Variants in GTF3C5 observed in about 807,000 individuals in gnomAD.
The protein encoded by GTF3C5 is general transcription factor IIIC subunit 5.
Under a neutral mutation model 61.0 loss-of-function variants are expected in GTF3C5, and 47 were observed. That is an observed-to-expected ratio of 0.77 (90% confidence interval 0.61 to 0.98). The LOEUF (loss-of-function observed/expected upper bound fraction) is 0.98. GTF3C5 is among the 50% of genes least tolerant of loss of function. The probability of loss-of-function intolerance (pLI) is 0.00; values close to 1 mark genes in which losing one functional copy is unlikely to be tolerated. For synonymous variants in GTF3C5, 295 were observed against 275.4 expected, an observed-to-expected ratio of 1.07 and a Z score of -0.71; for missense variants, 659 against 703.3, an observed-to-expected ratio of 0.94 and a Z score of 0.71.
intron 2 of GTF3C5, among the ~76,000 whole-genome samples, chr9:133,042,938 C>T (rs951814644): frequency 1.3e-5 from 2 of 152,198 alleles, no homozygotes; most frequent in Non-Finnish European, 2.9e-5. Flanking sequence ...TCCTTAGGCC[C>T]TCGTGAAGAT....
intron 9 of GTF3C5, 78 bp downstream of exon 9, chr9:133,056,172 ACTTCACGTCGGCCTTCAT>A: frequency 8.4e-7 from 1 of 1,192,374 alleles, no homozygotes; most frequent in Non-Finnish European, 1.2e-6. Context: ...GAACTCTTCC[ACTTCACGTCGGCCTTCAT>A]CTCCGGCAAG....
chr9:133,045,651 T>A (rs1183565387), intron 3 of GTF3C5, among the ~76,000 whole-genome samples: 2 of 152,122 alleles, frequency 1.3e-5, no homozygotes, highest in East Asian at 3.9e-4. Flanking sequence ...TTTTTCTTTT[T>A]GAAAGGCGGA....
At chr9:133,034,954 T>A (rs1204304602) in intron 1 of GTF3C5, among the ~76,000 whole-genome samples, 1 of 152,134 alleles carries the variant, frequency 6.6e-6, no homozygotes, top group Non-Finnish European at 1.5e-5. Flanking sequence ...CACAAGGCAA[T>A]GGGAAGGCAT....
Position 133,031,100 on chromosome 9 carries a change from C to A in GTF3C5, c.89C>A (p.Pro30Gln). 1 of 1,606,678 alleles carries A rather than the reference C, an allele frequency of 6.2e-7. No individual in the cohort carries two copies. The highest frequency in any genetic ancestry group is 2.2e-5 in the East Asian group (1 of 44,580). Residue 30 changes from proline to glutamine, a missense_variant, in exon 1 of 11, where the codon CCG (proline) becomes CAG (glutamine). Pro to Gln is a moderately conservative substitution (Grantham distance 76). Coordinates refer to ENST00000372097, the MANE Select transcript of GTF3C5 (RefSeq NM_012087.4). ...CGACGCATGGTGTGCGTGGAGTACC[C>A]GGGAGTGGTGCGTGATGTGGCTAAG... Reference protein sequence around the residue: ...RERRMVCVEYPGVVRDVAKML... With the variant: ...RERRMVCVEYQGVVRDVAKML...
In GTF3C5 at chr9:133,058,232, G is replaced by C; in HGVS notation, c.*252G>C. On this transcript the variant is annotated 3_prime_UTR_variant, in exon 11 of 11. Coordinates refer to ENST00000372097, the MANE Select transcript of GTF3C5 (RefSeq NM_012087.4). The stretch of plus-strand genomic sequence containing the variant: ...CCCTGGCTCTGCCACCCATGAACCA[G>C]CCCAGCATCCAGCCAGTGAGTGGGC... 13 of 1,167,090 alleles carry C rather than the reference G, an allele frequency of 1.1e-5. No homozygotes were observed. Among genetic ancestry groups the C allele is most frequent in the East Asian group, 8.4e-5 (2 of 23,812 alleles). The allele number at this position is 1,167,090 out of a possible 1,614,324, so 72.3% of individuals were successfully genotyped here.
intron 8 of GTF3C5, chr9:133,055,263 G>A: frequency 6.9e-7 from 1 of 1,457,342 alleles, no homozygotes; most frequent in African/African-American, 1.4e-5. Flanking sequence ...TTCCAGAGCT[G>A]TTCCCACATT....
intron 1 of GTF3C5, among the ~76,000 whole-genome samples, chr9:133,038,361 G>T (rs1588464023): frequency 2.0e-5 from 3 of 152,034 alleles, no homozygotes; most frequent in South Asian, 4.1e-4. Context: ...TGCCCAATGG[G>T]CAGGGCTTTG....
chr9:133,031,229 A>G (rs1849722886), intron 1 of GTF3C5, 65 bp downstream of exon 1: 1 of 1,415,550 alleles, frequency 7.1e-7, no homozygotes, highest in African/African-American at 1.4e-5. Context: ...CGAGCACTCA[A>G]AGGATTTCTC....
intron 3 of GTF3C5, among the ~76,000 whole-genome samples, chr9:133,045,502 C>T (rs568334984): frequency 8.5e-5 from 13 of 152,330 alleles, no homozygotes; most frequent in Non-Finnish European, 1.5e-4. Flanking sequence ...TGGCCTGCTT[C>T]GGTCTCTGTC....
chr9:133,049,926 GCTGAGACGTCGTCACCCAGTGT>G (rs1247246340), intron 3 of GTF3C5, among the ~76,000 whole-genome samples: 1 of 152,080 alleles, frequency 6.6e-6, no homozygotes, highest in Non-Finnish European at 1.5e-5. Flanking sequence ...ATGAACCTAT[GCTGAGACGTCGTCACCCAGTGT>G]CCGTAGTTGA....
chr9:133,037,439 A>C (rs904771037), intron 1 of GTF3C5, among the ~76,000 whole-genome samples: 1 of 152,142 alleles, frequency 6.6e-6, no homozygotes, highest in Non-Finnish European at 1.5e-5. Context: ...GATAGGTTTT[A>C]GGCCTATTCT....
intron 1 of GTF3C5, among the ~76,000 whole-genome samples, chr9:133,036,653 G>T (rs1027087996): frequency 6.6e-6 from 1 of 152,154 alleles, no homozygotes; most frequent in African/African-American, 2.4e-5. Context: ...TCAACCTGGT[G>T]GATTTCTTCA....
At chr9:133,055,502 T>G (rs1375937573) in intron 8 of GTF3C5, 18 of 1,199,004 alleles carry the variant, frequency 1.5e-5, no homozygotes, top group Middle Eastern at 2.9e-4. Context: ...TGTGCGGCCT[T>G]CCTTCTCGAG....
At chr9:133,049,014 G>GGGCA (rs1850291745) in intron 3 of GTF3C5, among the ~76,000 whole-genome samples, 2 of 152,212 alleles carry the variant, frequency 1.3e-5, no homozygotes, top group Admixed American at 1.3e-4. Context: ...CAAACCAGGT[G>GGGCA]GGCAAGCAGA....
At chr9:133,047,700 T>G (rs1850247946) in intron 3 of GTF3C5, among the ~76,000 whole-genome samples, 1 of 152,146 alleles carries the variant, frequency 6.6e-6, no homozygotes, top group South Asian at 2.1e-4. Flanking sequence ...TTTTGTATTT[T>G]TAGTAAAGAC....
chr9:133,034,290 T>C (rs1333758074), intron 1 of GTF3C5, among the ~76,000 whole-genome samples: 2 of 152,124 alleles, frequency 1.3e-5, no homozygotes, highest in African/African-American at 2.4e-5. Context: ...ACAGGGGCCC[T>C]TTAAGGCTCC....
At chr9:133,051,791 T>C (rs1489410138) in intron 4 of GTF3C5, among the ~76,000 whole-genome samples, 1 of 152,206 alleles carries the variant, frequency 6.6e-6, no homozygotes, top group Non-Finnish European at 1.5e-5. Context: ...GTGGGCTCTA[T>C]GAGGACAGCG....
chr9:133,050,983 G>C lies in GTF3C5; in HGVS notation c.768+5G>C. 1 of 1,591,236 alleles carries C rather than the reference G, an allele frequency of 6.3e-7. No homozygotes were observed. Among genetic ancestry groups the C allele is most frequent in the Non-Finnish European group, 8.6e-7 (1 of 1,168,994 alleles). On this transcript the variant is annotated splice_donor_5th_base_variant and intron_variant, in intron 4 of 10. Coordinates refer to ENST00000372097, the MANE Select transcript of GTF3C5 (RefSeq NM_012087.4). ...GTGGAGGAGGAGCTGAGGAAGGCAAGTCCTGCGCTGCGCCTGGCCCCGGTG... is the reference window on the plus strand; with the variant it reads ...GTGGAGGAGGAGCTGAGGAAGGCAACTCCTGCGCTGCGCCTGGCCCCGGTG...
intron 1 of GTF3C5, among the ~76,000 whole-genome samples, chr9:133,031,504 AC>A (rs1193987538): frequency 6.6e-6 from 1 of 152,100 alleles, no homozygotes; most frequent in African/African-American, 2.4e-5. Context: ...GGCGCATGCC[AC>A]CACGCCCGGC....
Sources: gnomAD v4.1 joint callset for allele counts (sites outside exome capture counted in the v4.1 genomes callset) on GRCh38, gnomAD v4.1.1 for gene constraint, MANE v1.5 for transcripts, NCBI Gene and HGNC (gene_info 2026-07-23, HGNC 2026-07-21) for gene names.